Variants in MIPOL1 observed in about 807,000 individuals in gnomAD.
MIPOL1 encodes the protein mirror-image polydactyly gene 1 protein.
In MIPOL1, 57 loss-of-function variants were observed where a neutral mutation model predicts 60.9. The observed-to-expected ratio is 0.94, with a 90% CI of 0.76 to 1.17. MIPOL1 has a LOEUF of 1.17. MIPOL1 is among the 50% of genes most tolerant of loss of function. The pLI is 0.00. For synonymous variants in MIPOL1, 179 were observed against 168.8 expected (o/e 1.06, Z -0.47); for missense variants, 551 against 511.6 (o/e 1.08, Z -0.74).
In MIPOL1 at chr14:37,316,307, A is replaced by T. The variant is rs184882396; in HGVS notation, c.828+7788A>T. 7.2e-5 allele frequency among the ~76,000 whole-genome samples: 11 copies of T among 152,248 alleles called. 1 individual carries two copies. Among genetic ancestry groups the T allele is most frequent in the Admixed American group, 7.2e-4 (11 of 15,280 alleles). ...TGGGCTCTCAAAGTGCTGGGATTAC[A>T]GGTGTGAGCCACCATGCCCAGCCAG... On this transcript the variant is annotated intron_variant, in intron 9 of 12. Transcript: ENST00000684589.
In MIPOL1 at chr14:37,550,741, C is replaced by G. The variant is rs1322091969; in HGVS notation, c.*3770C>G. 1 of 152,422 alleles carries G rather than the reference C, an allele frequency of 6.6e-6. No homozygotes were observed. The highest frequency in any genetic ancestry group is 1.5e-5 in the Non-Finnish European group (1 of 67,956). The allele number at this position is 152,422 out of a possible 1,614,324, so 9.4% of individuals were successfully genotyped here. ...TTGTTTTGGCACTGTTTTAAAAACT[C>G]AAATATTTTAAACATTTGTTAAGTT... On this transcript the variant is annotated 3_prime_UTR_variant, in exon 13 of 13. Transcript: ENST00000684589.
intron 12 of MIPOL1, among the ~76,000 whole-genome samples, chr14:37,517,477 G>C (rs984690566): frequency 6.6e-6 from 1 of 152,120 alleles, no homozygotes; most frequent in African/African-American, 2.4e-5. Context: ...AACCCCTATG[G>C]AGGAGAATTT....
intron 11 of MIPOL1, among the ~76,000 whole-genome samples, chr14:37,473,973 C>G (rs1844558525): frequency 6.6e-6 from 1 of 152,148 alleles, no homozygotes; most frequent in Non-Finnish European, 1.5e-5. Flanking sequence ...TTTAATGTCT[C>G]TATAGTTTAG....
At chr14:37,373,538 C>A (rs1438136996) in intron 10 of MIPOL1, among the ~76,000 whole-genome samples, 2 of 151,784 alleles carry the variant, frequency 1.3e-5, no homozygotes, top group African/African-American at 4.8e-5. Flanking sequence ...CCTCCCCTAG[C>A]GCCCCAACCC....
chr14:37,363,762 G>A (rs1432463786), intron 9 of MIPOL1, among the ~76,000 whole-genome samples: 1 of 152,178 alleles, frequency 6.6e-6, no homozygotes, highest in Non-Finnish European at 1.5e-5. Flanking sequence ...GATGCAGTAG[G>A]CCTTCCCGAG....
rs1337387190 is a variant in MIPOL1, at chr14:37,240,673, A to G, written c.-198-6430A>G. 3.3e-5 allele frequency: 5 copies of G among 152,166 alleles called. No homozygotes were observed. The East Asian group carries it at 9.6e-4, about 29-fold the overall frequency. 9.4% of individuals were successfully genotyped at this position (152,166 alleles called of 1,614,324 possible). A position where few individuals can be genotyped will look rare whatever the true frequency, so the allele number is the denominator to read the frequency against. On this transcript the variant is annotated intron_variant, in intron 1 of 12. Coordinates refer to ENST00000684589, the MANE Select transcript of MIPOL1 (RefSeq NM_001388067.1). Reference sequence around the variant, plus strand: ...TCAGGATATTTTAGAAAATCCTGGTATGCGATTACCTTCTGAAAATAATAC... The same window carrying G: ...TCAGGATATTTTAGAAAATCCTGGTGTGCGATTACCTTCTGAAAATAATAC...
rs543782612 is a variant in MIPOL1 at position 37,509,799 on chromosome 14, C to A, written c.1262+9661C>A. 7.5e-3 allele frequency among the ~76,000 whole-genome samples: 1,118 copies of A among 148,236 alleles called. 15 individuals are homozygous for A. The highest frequency in any genetic ancestry group is 0.028 in the African/African-American group (1,061 of 38,458). On this transcript the variant is annotated intron_variant, in intron 12 of 12. Transcript: ENST00000684589. ...TGTATATACATGTATGTATATCTATCTACTTATGTATAAGCTATATATGTA... is the reference window on the plus strand; with the variant it reads ...TGTATATACATGTATGTATATCTATATACTTATGTATAAGCTATATATGTA...
chr14:37,547,212 C>G lies in MIPOL1; in HGVS notation c.*241C>G. The G allele has an allele frequency of 2.3e-6, 1 of 432,854 alleles. No individual in the cohort carries two copies. Among genetic ancestry groups the G allele is most frequent in the Non-Finnish European group, 4.1e-6 (1 of 243,988 alleles). 26.8% of individuals were successfully genotyped at this position (432,854 alleles called of 1,614,324 possible). A position where few individuals can be genotyped will look rare whatever the true frequency, so the allele number is the denominator to read the frequency against. On this transcript the variant is annotated 3_prime_UTR_variant, in exon 13 of 13. Transcript: ENST00000684589. ...TTACCAATGGGTAGCTATAAGGTTA[C>G]AGCTTATTTTGTAACTATTTTATAT... is the stretch of plus-strand genomic sequence containing the variant.
chr14:37,331,090 A>G (rs970545755), intron 9 of MIPOL1, among the ~76,000 whole-genome samples: 2 of 151,812 alleles, frequency 1.3e-5, no homozygotes, highest in South Asian at 4.2e-4. Flanking sequence ...GTGGTTCCAT[A>G]TGTATCTGTT....
chr14:37,378,744 A>C (rs1474136940), intron 10 of MIPOL1, among the ~76,000 whole-genome samples: 1 of 152,010 alleles, frequency 6.6e-6, no homozygotes, highest in African/African-American at 2.4e-5. Flanking sequence ...CAAAGGAAAG[A>C]AGGTACTTTC....
At chr14:37,230,212 A>G (rs1470019696) in intron 1 of MIPOL1, among the ~76,000 whole-genome samples, 1 of 152,234 alleles carries the variant, frequency 6.6e-6, no homozygotes, top group East Asian at 1.9e-4. Context: ...TATGCATTTA[A>G]AAATCATTAT....
chr14:37,295,122 G>A lies in MIPOL1; in HGVS notation c.623+9675G>A, dbSNP rs190292124. The stretch of plus-strand genomic sequence containing the variant: ...GCTGATGTCTCAGCAGAAACTCTAC[G>A]AGCCAGCAGAGAGTGGGGGCCAATA... On this transcript the variant is annotated intron_variant, in intron 7 of 12. Transcript: ENST00000684589. Among the ~76,000 whole-genome samples the A allele has an allele frequency of 1.7e-3, 266 of 152,236 alleles. 1 individual carries two copies. Among genetic ancestry groups the A allele is most frequent in the African/African-American group, 5.7e-3 (236 of 41,526 alleles).
chr14:37,491,949 A>G (rs2095053813), intron 11 of MIPOL1, among the ~76,000 whole-genome samples: 1 of 152,184 alleles, frequency 6.6e-6, no homozygotes, highest in Admixed American at 6.5e-5. Flanking sequence ...ATTAAGGCCT[A>G]TTATACTGGA....
intron 9 of MIPOL1, among the ~76,000 whole-genome samples, chr14:37,326,228 C>T (rs903076948): frequency 6.6e-6 from 1 of 152,140 alleles, no homozygotes; most frequent in Non-Finnish European, 1.5e-5. Context: ...TTCAAAAGAC[C>T]ATTTTGCTAT....
At chr14:37,414,727 A>G (rs751842198) in intron 10 of MIPOL1, among the ~76,000 whole-genome samples, 2 of 152,190 alleles carry the variant, frequency 1.3e-5, no homozygotes, top group African/African-American at 2.4e-5. Context: ...AAGTGATACA[A>G]TACTTTGGAG....
rs554534448 is a variant in MIPOL1, at chr14:37,448,252, A to G, written c.1031+25303A>G. Among the ~76,000 whole-genome samples the G allele has an allele frequency of 1.1e-4, 17 of 152,336 alleles. No individual in the cohort carries two copies. The South Asian group carries it at 2.7e-3, about 24-fold the overall frequency. ...TTCCTTTAAAGGGAGTCTCTGCACT[A>G]TAGCACTAGCAGCCATAGCCAGTGT... On this transcript the variant is annotated intron_variant, in intron 11 of 12. Coordinates refer to ENST00000684589, the MANE Select transcript of MIPOL1 (RefSeq NM_001388067.1).
At chr14:37,278,759 C>T (rs1480784743) in intron 6 of MIPOL1, 1 of 151,740 alleles carries the variant, frequency 6.6e-6, no homozygotes, top group Non-Finnish European at 1.5e-5. Context: ...CTGTCTCACT[C>T]GTACTGTATT....
chr14:37,394,178 T>C (rs1018233162), intron 10 of MIPOL1, among the ~76,000 whole-genome samples: 1 of 149,546 alleles, frequency 6.7e-6, no homozygotes, highest in South Asian at 2.1e-4. Context: ...TTTGCAAAAA[T>C]TGAATTCACA....
Position 37,531,181 on chromosome 14 carries a change from T to A in MIPOL1, c.1263-15724T>A, listed in dbSNP as rs118132137. Among the ~76,000 whole-genome samples the A allele has an allele frequency of 5.8e-3, 881 of 152,236 alleles. 7 individuals are homozygous for A. The highest frequency in any genetic ancestry group is 0.044 in the Middle Eastern group (13 of 294). On this transcript the variant is annotated intron_variant, in intron 12 of 12. Coordinates refer to ENST00000684589, the MANE Select transcript of MIPOL1 (RefSeq NM_001388067.1). ...ATGATGAAGGATGGACAATGAATAG[T>A]TGTAAATCTTTGCTTATTTGCCTCT...
Sources: gnomAD v4.1 joint callset for allele counts (sites outside exome capture counted in the v4.1 genomes callset) on GRCh38, gnomAD v4.1.1 for gene constraint, MANE v1.5 for transcripts, NCBI Gene and HGNC (gene_info 2026-07-23, HGNC 2026-07-21) for gene names.